The following ATG10 variants were observed in gnomAD, a reference collection of about 807,000 sequenced individuals.
ATG10 encodes the protein ubiquitin-like-conjugating enzyme ATG10.
A neutral mutation model predicts 32.1 loss-of-function variants in ATG10; 30 were observed. The ratio of observed to expected loss-of-function variants is 0.94; its 90% CI spans 0.70 to 1.27. The LOEUF is 1.27. Among genes scored for constraint, ATG10 ranks in the 50% most tolerant of loss-of-function variants. The pLI is 0.00. For synonymous variants in ATG10, 87 were observed against 91.5 expected (o/e 0.95, Z 0.28); for missense variants, 233 against 262.3 (o/e 0.89, Z 0.77).
intron 2 of ATG10, among the ~76,000 whole-genome samples, chr5:82,054,971 C>G (rs924177440): frequency 6.6e-6 from 1 of 152,296 alleles, no homozygotes; most frequent in East Asian, 1.9e-4. Context: ...AGGAAAACTT[C>G]ATTGCCAAGG....
At chr5:82,094,822 C>T (rs1242637196) in intron 3 of ATG10, among the ~76,000 whole-genome samples, 10 of 151,856 alleles carry the variant, frequency 6.6e-5, no homozygotes, top group Non-Finnish European at 4.4e-5. Context: ...TTTACTATTA[C>T]AAATATTGAA....
At chr5:82,081,294 T>A (rs1336370680) in intron 3 of ATG10, among the ~76,000 whole-genome samples, 2 of 152,228 alleles carry the variant, frequency 1.3e-5, no homozygotes. Flanking sequence ...TACAATCATG[T>A]TATCTGCAAA....
chr5:82,193,013 C>T (rs1299302373), intron 5 of ATG10, among the ~76,000 whole-genome samples: 2 of 152,156 alleles, frequency 1.3e-5, no homozygotes, highest in Non-Finnish European at 2.9e-5. Flanking sequence ...GTTGGATATG[C>T]TGTTTACTAT....
chr5:82,028,194 T>C (rs1178416092), intron 2 of ATG10, among the ~76,000 whole-genome samples: 2 of 152,236 alleles, frequency 1.3e-5, no homozygotes, highest in African/African-American at 4.8e-5. Flanking sequence ...GGGATAAAGA[T>C]AGCATTAATC....
chr5:82,220,840 C>T (rs1429104845), intron 5 of ATG10, among the ~76,000 whole-genome samples: 1 of 151,398 alleles, frequency 6.6e-6, no homozygotes, highest in Non-Finnish European at 1.5e-5. Flanking sequence ...TGGCTCTCTG[C>T]GACCTCTGCC....
chr5:81,987,876 C>T (rs1214477489), intron 2 of ATG10, among the ~76,000 whole-genome samples, 198 bp downstream of exon 2: 1 of 130,604 alleles, frequency 7.7e-6, no homozygotes, highest in African/African-American at 2.5e-5. Flanking sequence ...TGATTATTAT[C>T]AGGCTAATGA....
At chr5:82,231,993 A>T (rs1746384146) in intron 5 of ATG10, among the ~76,000 whole-genome samples, 1 of 152,248 alleles carries the variant, frequency 6.6e-6, no homozygotes, top group South Asian at 2.1e-4. Flanking sequence ...GATAGGTAAT[A>T]GATTGCTATT....
At chr5:82,032,734 AT>A (rs1762778572) in intron 2 of ATG10, among the ~76,000 whole-genome samples, 2 of 150,794 alleles carry the variant, frequency 1.3e-5, no homozygotes, top group South Asian at 4.2e-4. Context: ...CTATGCCTTT[AT>A]ATATATTGTT....
rs557251050 is a variant in ATG10 at position 81,982,951 on chromosome 5, C to T, written c.-12-4608C>T. Among the ~76,000 whole-genome samples, 66 of 152,342 alleles carry T rather than the reference C, an allele frequency of 4.3e-4. 3 individuals are homozygous for T. The South Asian group carries it at 0.012, about 27-fold the overall frequency. ...AAAATGAAAAGTCTCCCATGTCTAC[C>T]TCTTTCTACACAGACACGGCAACCA... On this transcript the variant is annotated intron_variant, in intron 1 of 7. Coordinates refer to ENST00000282185, the MANE Select transcript of ATG10 (RefSeq NM_031482.5).
chr5:82,038,695 C>T (rs1763003416), intron 2 of ATG10, among the ~76,000 whole-genome samples: 1 of 152,126 alleles, frequency 6.6e-6, no homozygotes, highest in African/African-American at 2.4e-5. Flanking sequence ...GTTGTTGCTC[C>T]CATACTGTCT....
chr5:82,082,431 A>T (rs1349254045), intron 3 of ATG10, among the ~76,000 whole-genome samples: 1 of 152,190 alleles, frequency 6.6e-6, no homozygotes, highest in Non-Finnish European at 1.5e-5. Context: ...CTCAGTAAAT[A>T]GGCACTTAGG....
At chr5:82,126,879 T>C (rs1766301448) in intron 3 of ATG10, among the ~76,000 whole-genome samples, 1 of 152,292 alleles carries the variant, frequency 6.6e-6, no homozygotes, top group African/African-American at 2.4e-5. Context: ...TTTGTACCTC[T>C]GGTAGAATTA....
intron 3 of ATG10, among the ~76,000 whole-genome samples, chr5:82,088,743 C>A (rs751151970): frequency 6.6e-6 from 1 of 152,148 alleles, no homozygotes; most frequent in Non-Finnish European, 1.5e-5. Context: ...GCCTTCAACT[C>A]AAAATACCCA....
intron 1 of ATG10, among the ~76,000 whole-genome samples, chr5:81,979,228 TA>T (rs1021860439): frequency 5.6e-4 from 81 of 143,978 alleles, no homozygotes; most frequent in Middle Eastern, 3.4e-3. Context: ...ATTTACAACT[TA>T]AAAAAAAATG....
chr5:82,091,796 T>A (rs1233572914), intron 3 of ATG10, among the ~76,000 whole-genome samples: 1 of 152,176 alleles, frequency 6.6e-6, no homozygotes, highest in East Asian at 1.9e-4. Context: ...AAGAAGCATT[T>A]TCAGTTGGAT....
intron 3 of ATG10, among the ~76,000 whole-genome samples, chr5:82,132,411 C>A (rs1352405285): frequency 6.7e-5 from 10 of 150,340 alleles, no homozygotes; most frequent in East Asian, 4.0e-4. Context: ...CTAGCCCCCC[C>A]ACCCCATTAC....
At chr5:82,142,608 G>A (rs749661017) in intron 3 of ATG10, among the ~76,000 whole-genome samples, 1 of 152,192 alleles carries the variant, frequency 6.6e-6, no homozygotes, top group Non-Finnish European at 1.5e-5. Context: ...AAGTGAGATC[G>A]AATATTGACC....
intron 3 of ATG10, among the ~76,000 whole-genome samples, chr5:82,083,955 G>A (rs573625062): frequency 4.6e-5 from 7 of 152,266 alleles, no homozygotes; most frequent in East Asian, 1.9e-4. Flanking sequence ...TGCCAGCAAC[G>A]GAACAAAGCT....
chr5:82,060,132 T>C (rs1002594200), intron 3 of ATG10, among the ~76,000 whole-genome samples: 3 of 152,176 alleles, frequency 2.0e-5, no homozygotes, highest in Non-Finnish European at 4.4e-5. Context: ...CTATGAATAA[T>C]CTAGTCCAAT....
Sources: allele counts gnomAD v4.1 joint callset (sites outside exome capture counted in the v4.1 genomes callset), GRCh38; gene constraint gnomAD v4.1.1; transcripts MANE v1.5; gene names NCBI Gene and HGNC (gene_info 2026-07-23, HGNC 2026-07-21).